PCLO: variants seen among roughly 807,000 people sequenced by gnomAD.
PCLO encodes protein piccolo.
PCLO carries 82 observed loss-of-function variants against 427.5 expected under a neutral mutation model. The ratio of observed to expected loss-of-function variants is 0.19; its 90% CI spans 0.16 to 0.23. The LOEUF (loss-of-function observed/expected upper bound fraction) is 0.23. Among genes scored for constraint, PCLO ranks in the 10% least tolerant of loss-of-function variants. PCLO has a pLI of 1.00. For synonymous variants in PCLO, 2,357 were observed against 2,155.4 expected, an observed-to-expected ratio of 1.09 and a Z score of -2.59; for missense variants, 6,239 against 6,115.9, an observed-to-expected ratio of 1.02 and a Z score of -0.67.
intron 4 of PCLO, among the ~76,000 whole-genome samples, chr7:82,958,133 C>G (rs1209897902): frequency 6.6e-6 from 1 of 152,156 alleles, no homozygotes; most frequent in African/African-American, 2.4e-5. Flanking sequence ...CATGCTATAG[C>G]TCATTCTAGC....
Position 82,950,817 on chromosome 7 carries a change from C to T in PCLO, c.9771G>A (p.Leu3257=). The change falls in exon 6 of 25, where the codon TTG becomes TTA. Residue 3257 remains leucine (L), a synonymous_variant. Transcript: ENST00000333891. Reference sequence around the variant, plus strand: ...GTTGCTTCATAGACTGCAGCTCCTCCAACTTTTTCTGAACCATGATCTTTT... The same window carrying T: ...GTTGCTTCATAGACTGCAGCTCCTCTAACTTTTTCTGAACCATGATCTTTT... ...EQEKIMVQKK[L]EELQSMKQHL... is the part of the protein sequence containing the mutation. 1 of 1,613,708 alleles carries T rather than the reference C, an allele frequency of 6.2e-7. No individual in the cohort carries two copies. The highest frequency in any genetic ancestry group is 8.5e-7 in the Non-Finnish European group (1 of 1,179,860).
chr7:83,124,988 T>G (rs1403971723), intron 3 of PCLO, among the ~76,000 whole-genome samples: 1 of 152,134 alleles, frequency 6.6e-6, no homozygotes, highest in Non-Finnish European at 1.5e-5. Context: ...GCTCCTGACC[T>G]CGAGTGATCT....
chr7:83,112,376 C>T (rs1296310161), intron 3 of PCLO, among the ~76,000 whole-genome samples: 3 of 151,832 alleles, frequency 2.0e-5, no homozygotes, highest in East Asian at 3.9e-4. Context: ...TTTTTAAGAA[C>T]GGGAATAAAC....
Position 82,915,876 on chromosome 7 carries a change from T to A in PCLO, c.12110A>T (p.Asp4037Val). The change falls in exon 7 of 25, where the codon GAT (aspartate) becomes GTT (valine). Residue 4037 changes from aspartate (D) to valine (V), a missense_variant. Transcript: ENST00000333891. ...ATTTCGTGGAGTATGGTGATCAATA[T>A]CTGCATAGAAAGAATCTGCAGATAT... is the stretch of plus-strand genomic sequence containing the variant. ...SSISADSFYA[D>V]IDHHTPRNYV... is the part of the protein sequence containing the mutation. The A allele has an allele frequency of 6.2e-7, 1 of 1,613,648 alleles. No homozygotes were observed. The highest frequency in any genetic ancestry group is 1.1e-5 in the South Asian group (1 of 91,078).
At chr7:82,794,847 T>A (rs1199827633) in intron 22 of PCLO, among the ~76,000 whole-genome samples, 3 of 152,158 alleles carry the variant, frequency 2.0e-5, no homozygotes, top group Non-Finnish European at 4.4e-5. Flanking sequence ...GATCCTTATT[T>A]AGTATAGTGA....
At chr7:83,114,766 G>A (rs1225528684) in intron 3 of PCLO, among the ~76,000 whole-genome samples, 1 of 152,046 alleles carries the variant, frequency 6.6e-6, no homozygotes, top group Non-Finnish European at 1.5e-5. Flanking sequence ...ACAATGCCAT[G>A]AGAAAATTGA....
chr7:83,140,713 G>A (rs1791839302), intron 2 of PCLO, among the ~76,000 whole-genome samples: 1 of 152,082 alleles, frequency 6.6e-6, no homozygotes, highest in Admixed American at 6.6e-5. Flanking sequence ...TGTACCTTAG[G>A]CCACTGAAAA....
Position 82,954,036 on chromosome 7 carries a change from T to G in PCLO, c.6917A>C (p.Lys2306Thr). Residue 2306 changes from lysine (K) to threonine (T), a missense_variant, in exon 5 of 25, where the codon AAG becomes ACG. Lys to Thr is a moderately conservative substitution (Grantham distance 78). Transcript: ENST00000333891. The part of the protein sequence containing the change: ...SEKDPVKKAK[K>T]ETGNGIILEV... ...CAGAATGATTCCATTCCCAGTTTCC[T>G]TCTTGGCTTTCTTCACTGGGTCCTT... 6.2e-7 allele frequency: 1 copy of G among 1,613,880 alleles called. No homozygotes were observed. The highest frequency in any genetic ancestry group is 8.5e-7 in the Non-Finnish European group (1 of 1,179,862).
At chr7:83,162,221 T>A (rs919056174) in intron 1 of PCLO, 124 bp downstream of exon 1, 13 of 1,167,810 alleles carry the variant, frequency 1.1e-5, no homozygotes, top group Admixed American at 2.6e-5. Context: ...GCCACCCCAC[T>A]GGGGAGAATA....
At chr7:83,124,254 T>C (rs1166566489) in intron 3 of PCLO, among the ~76,000 whole-genome samples, 1 of 151,316 alleles carries the variant, frequency 6.6e-6, no homozygotes, top group Non-Finnish European at 1.5e-5. Context: ...AAGGCGGAGC[T>C]TGCAGTGAGC....
At chr7:82,879,297 T>C (rs764787347) in intron 10 of PCLO, 40 bp downstream of exon 10, 2 of 1,527,638 alleles carry the variant, frequency 1.3e-6, no homozygotes, top group Admixed American at 3.7e-5. Context: ...TTAATATGAG[T>C]GCATTCATTT....
At chr7:83,117,041 G>A (rs780837536) in intron 3 of PCLO, among the ~76,000 whole-genome samples, 1 of 152,188 alleles carries the variant, frequency 6.6e-6, no homozygotes, top group Non-Finnish European at 1.5e-5. Flanking sequence ...TGTTACTTGT[G>A]ACAACATGGA....
chr7:83,019,372 A>G (rs1032135259), intron 3 of PCLO, among the ~76,000 whole-genome samples: 5 of 151,858 alleles, frequency 3.3e-5, no homozygotes, highest in Non-Finnish European at 5.9e-5. Flanking sequence ...TGTAAAGCTT[A>G]TATTTAATAA....
At position 82,847,113 on chromosome 7, in the gene PCLO, A is replaced by AT. The variant is rs765412499; in HGVS notation, c.13763+25_13763+26insA. The AT allele has an allele frequency of 9.8e-6, 13 of 1,331,548 alleles. No homozygotes were observed. The African/African-American group carries it at 1.7e-4, about 18-fold the overall frequency. 82.5% of individuals were successfully genotyped at this position (1,331,548 alleles called of 1,614,324 possible). ...AGAGTCATGGATAGCCAAAAAATGG[A>AT]AACAGAAAGATGGGGAAAAACTCAC... On this transcript the variant is annotated intron_variant, in intron 11 of 24. Transcript: ENST00000333891.
At chr7:82,789,837 C>T (rs1476899604) in intron 22 of PCLO, among the ~76,000 whole-genome samples, 3 of 152,110 alleles carry the variant, frequency 2.0e-5, no homozygotes, top group African/African-American at 7.2e-5. Context: ...TGAAGGTTTG[C>T]TTTTCATCAT....
intron 9 of PCLO, among the ~76,000 whole-genome samples, chr7:82,897,949 T>C (rs570351579): frequency 1.3e-5 from 2 of 151,458 alleles, no homozygotes; most frequent in African/African-American, 2.4e-5. Context: ...ATATTTTCCA[T>C]GTTATAAATT....
In PCLO at chr7:82,755,857, C is replaced by A. The variant is rs1254876972; in HGVS notation, c.*2718G>T. ...AGTGTTGCATAGAATAATTCCAGTA[C>A]AACCTAGAAGTTTGGTCAGCTGCAA... is the stretch of plus-strand genomic sequence containing the variant. On this transcript the variant is annotated 3_prime_UTR_variant, in exon 25 of 25. Coordinates refer to ENST00000333891, the MANE Select transcript of PCLO (RefSeq NM_033026.6). 6.6e-5 allele frequency: 10 copies of A among 152,182 alleles called. No individual in the cohort carries two copies. The South Asian group carries it at 2.1e-3, about 32-fold the overall frequency. 9.4% of individuals were successfully genotyped at this position (152,182 alleles called of 1,614,324 possible).
chr7:82,763,914 T>C (rs576813719), intron 22 of PCLO, among the ~76,000 whole-genome samples: 1 of 152,084 alleles, frequency 6.6e-6, no homozygotes, highest in East Asian at 1.9e-4. Context: ...ATTTTAAGCA[T>C]GAAAGAACTC....
At chr7:83,080,652 G>A (rs144658940) in intron 3 of PCLO, among the ~76,000 whole-genome samples, 1 of 152,046 alleles carries the variant, frequency 6.6e-6, no homozygotes, top group African/African-American at 2.4e-5. Context: ...TTTTATGCCA[G>A]TTTTACCTTT....
Sources: gnomAD v4.1 joint callset for allele counts (sites outside exome capture counted in the v4.1 genomes callset) on GRCh38, gnomAD v4.1.1 for gene constraint, MANE v1.5 for transcripts, NCBI Gene and HGNC (gene_info 2026-07-23, HGNC 2026-07-21) for gene names.